SMYD3: variants seen among roughly 807,000 people sequenced by gnomAD.
SMYD3 encodes the protein SET and MYND domain containing 3, also known as histone-lysine N-methyltransferase SMYD3.
SMYD3 carries 36 observed loss-of-function variants against 57.7 expected under a neutral mutation model. That is an observed-to-expected ratio of 0.62 (90% confidence interval 0.48 to 0.82). The LOEUF is 0.82. SMYD3 is among the 40% of genes least tolerant of loss of function. SMYD3 has a pLI of 0.00. For synonymous variants in SMYD3, 211 were observed against 195.0 expected (o/e 1.08, Z -0.68); for missense variants, 515 against 538.8 (o/e 0.96, Z 0.44).
chr1:245,784,769 T>G (rs2046966900), intron 10 of SMYD3, among the ~76,000 whole-genome samples: 1 of 152,024 alleles, frequency 6.6e-6, no homozygotes, highest in African/African-American at 2.4e-5. Flanking sequence ...ATTGATTCAC[T>G]TCTGCTGCAT....
chr1:246,136,008 A>C (rs1050299198), intron 5 of SMYD3, among the ~76,000 whole-genome samples: 6 of 152,210 alleles, frequency 3.9e-5, no homozygotes, highest in Non-Finnish European at 8.8e-5. Flanking sequence ...GAATATTCTC[A>C]AATCTGGCAG....
chr1:246,010,577 A>G lies in SMYD3; in HGVS notation c.532-80640T>C, dbSNP rs1398174789. Among the ~76,000 whole-genome samples the G allele has an allele frequency of 2.0e-5, 3 of 152,202 alleles. No homozygotes were observed. In the East Asian group the frequency reaches 5.8e-4, roughly 29 times the overall value. ...TGAGTGCATTTTTGGCAAGCAGCTG[A>G]GTTATCTTTGCTTATTCATTAAACG... On this transcript the variant is annotated intron_variant, in intron 5 of 11. Transcript: ENST00000490107.
chr1:245,985,216 T>C (rs534197779), intron 5 of SMYD3, among the ~76,000 whole-genome samples: 1 of 152,282 alleles, frequency 6.6e-6, no homozygotes, highest in Non-Finnish European at 1.5e-5. Context: ...TCCTTGGCTC[T>C]CGTCTTCTGA....
chr1:246,090,003 T>C (rs1181763048), intron 5 of SMYD3, among the ~76,000 whole-genome samples: 1 of 152,088 alleles, frequency 6.6e-6, no homozygotes, highest in Non-Finnish European at 1.5e-5. Context: ...TCCAGTCAGT[T>C]TTTCTCTGTT....
At chr1:246,176,222 G>A (rs1219660473) in intron 5 of SMYD3, among the ~76,000 whole-genome samples, 2 of 152,000 alleles carry the variant, frequency 1.3e-5, no homozygotes, top group Non-Finnish European at 2.9e-5. Context: ...AAACTGTGGA[G>A]TCCCAAAATC....
chr1:246,330,404 T>TA, intron 4 of SMYD3, 76 bp downstream of exon 4: 1 of 1,203,018 alleles, frequency 8.3e-7, no homozygotes, highest in Non-Finnish European at 1.2e-6. Context: ...AAAACATAGT[T>TA]AAAAATAAAT....
intron 5 of SMYD3, among the ~76,000 whole-genome samples, chr1:245,977,387 C>T (rs942543161): frequency 2.6e-5 from 4 of 152,110 alleles, no homozygotes; most frequent in African/African-American, 4.8e-5. Context: ...ATCACAAAAC[C>T]GAAAGGAGGG....
intron 1 of SMYD3, among the ~76,000 whole-genome samples, chr1:246,430,913 G>T: frequency 6.6e-6 from 1 of 152,148 alleles, no homozygotes; most frequent in Non-Finnish European, 1.5e-5. Context: ...AACCAGGAAC[G>T]TGGGAAAAGA....
intron 1 of SMYD3, among the ~76,000 whole-genome samples, chr1:246,478,723 A>G (rs113097940): frequency 3.3e-3 from 64 of 19,308 alleles, no homozygotes; most frequent in Admixed American, 4.7e-3. Context: ...GTAAGTGCTC[A>G]TATATGCACA....
At chr1:246,366,466 C>G (rs954895706) in intron 1 of SMYD3, among the ~76,000 whole-genome samples, 5 of 152,068 alleles carry the variant, frequency 3.3e-5, no homozygotes, top group Admixed American at 3.3e-4. Flanking sequence ...CAGCAGCCCC[C>G]TGGCAGGCTC....
intron 5 of SMYD3, among the ~76,000 whole-genome samples, chr1:246,002,748 G>A (rs1173863888): frequency 6.6e-6 from 1 of 152,198 alleles, no homozygotes. Flanking sequence ...CACCACGCCC[G>A]GCCCATTATT....
intron 10 of SMYD3, among the ~76,000 whole-genome samples, chr1:245,767,120 T>C (rs1339847328): frequency 1.3e-5 from 2 of 152,142 alleles, no homozygotes; most frequent in African/African-American, 4.8e-5. Context: ...ATCCACTTCA[T>C]GGTGTAGAGC....
intron 5 of SMYD3, among the ~76,000 whole-genome samples, chr1:246,262,114 C>T (rs996823200): frequency 6.6e-6 from 1 of 152,064 alleles, no homozygotes; most frequent in African/African-American, 2.4e-5. Context: ...AACTTTGTGC[C>T]GATTTTCTTT....
At chr1:246,156,435 A>G (rs752014070) in intron 5 of SMYD3, among the ~76,000 whole-genome samples, 5 of 152,216 alleles carry the variant, frequency 3.3e-5, no homozygotes, top group Non-Finnish European at 5.9e-5. Flanking sequence ...TCTAAAGCTT[A>G]TAACTCTGAG....
At chr1:246,493,486 C>T (rs1398491477) in intron 1 of SMYD3, among the ~76,000 whole-genome samples, 1 of 152,148 alleles carries the variant, frequency 6.6e-6, no homozygotes, top group Non-Finnish European at 1.5e-5. Context: ...GCAGTAAAAA[C>T]TAGGCCAAAA....
intron 5 of SMYD3, among the ~76,000 whole-genome samples, chr1:246,270,312 T>C (rs1349009045): frequency 6.6e-6 from 1 of 152,208 alleles, no homozygotes; most frequent in Non-Finnish European, 1.5e-5. Flanking sequence ...TTTATTGCAA[T>C]AAAATATGCA....
intron 5 of SMYD3, among the ~76,000 whole-genome samples, chr1:246,231,222 A>T (rs1271530875): frequency 6.6e-6 from 1 of 152,126 alleles, no homozygotes; most frequent in African/African-American, 2.4e-5. Context: ...CCCAGCTGAC[A>T]TGCCACTTTC....
chr1:246,177,017 C>A (rs1191673231), intron 5 of SMYD3, among the ~76,000 whole-genome samples: 1 of 152,162 alleles, frequency 6.6e-6, no homozygotes. Flanking sequence ...TGTTTTTAGG[C>A]CTGCTGTTTG....
intron 1 of SMYD3, among the ~76,000 whole-genome samples, chr1:246,461,884 A>C (rs1232572564): frequency 6.6e-6 from 1 of 152,160 alleles, no homozygotes. Flanking sequence ...ATTTATTCTA[A>C]ATTAATTGAT....
Sources: allele counts gnomAD v4.1 joint callset (sites outside exome capture counted in the v4.1 genomes callset), GRCh38; gene constraint gnomAD v4.1.1; transcripts MANE v1.5; gene names NCBI Gene and HGNC (gene_info 2026-07-23, HGNC 2026-07-21).